CCDC197: variants seen among roughly 807,000 people sequenced by gnomAD.
CCDC197 encodes coiled-coil domain containing 197.
Under a neutral mutation model 13.4 loss-of-function variants are expected in CCDC197, and 24 were observed. The ratio of observed to expected loss-of-function variants is 1.80; its 90% CI spans 1.30 to 2.53. CCDC197 has a LOEUF of 2.53. CCDC197 is among the 30% of genes most tolerant of loss of function. CCDC197 has a pLI of 0.00. For synonymous variants in CCDC197, 99 were observed against 55.5 expected (o/e 1.78, Z -3.48); for missense variants, 255 against 148.8 (o/e 1.71, Z -3.71).
rs144754186 is a variant in CCDC197 at position 93,990,654 on chromosome 14, G to A, written c.-107+3258G>A. 1.3e-3 allele frequency among the ~76,000 whole-genome samples: 202 copies of A among 152,298 alleles called. 8 individuals carry two copies. In the South Asian group the frequency reaches 0.018, roughly 14 times the overall value. ...TTCACCCTCTAGTGGACTGTGAGGG[G>A]GCAGCTCTGACAGATTGGGGTGCAC... On this transcript the variant is annotated intron_variant, in intron 1 of 7. Transcript: ENST00000640978.
chr14:94,005,418 G>A lies in CCDC197; in HGVS notation c.615+447G>A, dbSNP rs149107887. Reference sequence around the variant, plus strand: ...TTACACATATGAGAACGCTGGCAGCGGGCATTTCAGTGACTGAGGGAGCCT... The same window carrying A: ...TTACACATATGAGAACGCTGGCAGCAGGCATTTCAGTGACTGAGGGAGCCT... On this transcript the variant is annotated intron_variant, in intron 6 of 6. Coordinates refer to ENST00000636493, the MANE Select transcript of CCDC197 (RefSeq NM_001351596.2). Among the ~76,000 whole-genome samples, 16 of 152,202 alleles carry A rather than the reference G, an allele frequency of 1.1e-4. No homozygotes were observed. In the East Asian group the frequency reaches 2.5e-3, roughly 24 times the overall value.
upstream of CCDC197, among the ~76,000 whole-genome samples, chr14:93,994,017 C>G (rs1187167167): frequency 6.6e-6 from 1 of 151,776 alleles, no homozygotes; most frequent in Non-Finnish European, 1.5e-5. Context: ...AGGGTGGGGT[C>G]TGCTGGTTGA....
At chr14:93,990,170 A>G (rs1890183570) in intron 1 of CCDC197, among the ~76,000 whole-genome samples, 1 of 152,210 alleles carries the variant, frequency 6.6e-6, no homozygotes, top group Admixed American at 6.5e-5. Context: ...TTGGTAAACA[A>G]CATCTGCAAA....
upstream of CCDC197, among the ~76,000 whole-genome samples, chr14:93,993,392 C>CA (rs1236300781): frequency 6.6e-6 from 1 of 152,238 alleles, no homozygotes; most frequent in African/African-American, 2.4e-5. Context: ...GTTAACTCTA[C>CA]AAAAACGAGA....
intron 5 of CCDC197, among the ~76,000 whole-genome samples, 151 bp from the exon 6 acceptor site, chr14:94,004,704 C>T (rs1002401594): frequency 5.3e-5 from 8 of 152,144 alleles, no homozygotes; most frequent in African/African-American, 9.7e-5. Flanking sequence ...AACCGAGCCC[C>T]GCAGGAGAGG....
rs958254298 is a variant in CCDC197 at position 94,008,648 on chromosome 14, G to T, written c.655G>T (p.Ala219Ser). ...CAAAATGGAGACTGTAAGACTGATC[G>T]CACTGCTCACGGAACCCAAAGTGTG... The part of the protein sequence containing the change: ...LDKMETVRLI[A>S]LLTEPKVCWS... Residue 219 changes from alanine to serine, a missense_variant, in exon 7 of 7, where the codon GCA becomes TCA. Physicochemically the swap from Ala to Ser is moderately conservative, Grantham distance 99 (BLOSUM62 1). Coordinates refer to ENST00000636493, the MANE Select transcript of CCDC197 (RefSeq NM_001351596.2). 1 of 702,992 alleles carries T rather than the reference G, an allele frequency of 1.4e-6. No homozygotes were observed. Among genetic ancestry groups the T allele is most frequent in the Non-Finnish European group, 2.6e-6 (1 of 385,006 alleles). 43.5% of individuals were successfully genotyped at this position (702,992 alleles called of 1,614,324 possible).
chr14:93,992,479 G>A (rs1157756715), upstream of CCDC197, among the ~76,000 whole-genome samples: 2 of 152,188 alleles, frequency 1.3e-5, no homozygotes, highest in Non-Finnish European at 2.9e-5. Context: ...ATTCTTCCTA[G>A]GAAGGTGATG....
rs117526130 is a variant in CCDC197, at chr14:93,990,984, C to T, written c.-107+3588C>T. Among the ~76,000 whole-genome samples, 10 of 152,270 alleles carry T rather than the reference C, an allele frequency of 6.6e-5. No individual in the cohort carries two copies. In the East Asian group the frequency reaches 1.9e-3, roughly 29 times the overall value. ...GTGAGGGTGAGGGACTTGCCCAAGGCCAGGCAGCTCATGACTGATGAGAGC... is the reference window on the plus strand; with the variant it reads ...GTGAGGGTGAGGGACTTGCCCAAGGTCAGGCAGCTCATGACTGATGAGAGC... On this transcript the variant is annotated intron_variant, in intron 1 of 7. Transcript: ENST00000640978.
chr14:93,999,753 G>A (rs1218429602), intron 3 of CCDC197, 88 bp downstream of exon 3: 6 of 743,016 alleles, frequency 8.1e-6, no homozygotes, highest in Non-Finnish European at 1.5e-5. Context: ...GCCTCATGGA[G>A]CCACGAGCTG....
upstream of CCDC197, among the ~76,000 whole-genome samples, chr14:93,995,812 A>G (rs1595348958): frequency 6.6e-6 from 1 of 152,074 alleles, no homozygotes; most frequent in East Asian, 1.9e-4. Context: ...GCACCTCCCT[A>G]CAGCCTCCCA....
intron 1 of CCDC197, among the ~76,000 whole-genome samples, chr14:93,990,255 G>C (rs898752343): frequency 6.6e-6 from 1 of 152,138 alleles, no homozygotes; most frequent in Non-Finnish European, 1.5e-5. Flanking sequence ...GGGACTAAGG[G>C]GAATCCTGGG....
chr14:93,993,175 G>C (rs185854792), upstream of CCDC197, among the ~76,000 whole-genome samples: 55 of 152,288 alleles, frequency 3.6e-4, no homozygotes, highest in South Asian at 2.1e-3. Flanking sequence ...ATCCTCTGGA[G>C]GGGGAGAGAA....
chr14:93,992,330 G>T (rs1323019307), upstream of CCDC197, among the ~76,000 whole-genome samples: 1 of 152,164 alleles, frequency 6.6e-6, no homozygotes, highest in Non-Finnish European at 1.5e-5. Flanking sequence ...AGAGACTTTG[G>T]AGGCAGAGCT....
At chr14:93,989,573 C>A (rs1890170743) in intron 1 of CCDC197, among the ~76,000 whole-genome samples, 1 of 152,182 alleles carries the variant, frequency 6.6e-6, no homozygotes, top group Non-Finnish European at 1.5e-5. Context: ...ATTCTCCTGG[C>A]TTTGGGATAC....
At chr14:94,007,967 T>C (rs936865879) in intron 6 of CCDC197, among the ~76,000 whole-genome samples, 1 of 152,228 alleles carries the variant, frequency 6.6e-6, no homozygotes, top group South Asian at 2.1e-4. Context: ...CACCATTCAG[T>C]TGAAGTCTGT....
chr14:93,999,476 A>G, intron 2 of CCDC197, 107 bp from the exon 3 acceptor site: 1 of 722,048 alleles, frequency 1.4e-6, no homozygotes. Flanking sequence ...TGGCCGGCCC[A>G]GTGCACGTCC....
At chr14:93,989,666 CA>C (rs1306128138) in intron 1 of CCDC197, among the ~76,000 whole-genome samples, 2 of 152,146 alleles carry the variant, frequency 1.3e-5, no homozygotes, top group Non-Finnish European at 2.9e-5. Context: ...CCAGGGCCCC[CA>C]AGATCAAAAC....
At chr14:93,994,874 A>G (rs941274349), upstream of CCDC197, among the ~76,000 whole-genome samples, 1 of 152,122 alleles carries the variant, frequency 6.6e-6, no homozygotes, top group Non-Finnish European at 1.5e-5. Context: ...CTTCCCCAAG[A>G]ACAGCCTCCC....
At chr14:93,995,524 C>T (rs142928041), upstream of CCDC197, among the ~76,000 whole-genome samples, 889 of 152,254 alleles carry the variant, frequency 5.8e-3, 11 homozygotes, top group African/African-American at 0.021. Flanking sequence ...TCAGCTGTCC[C>T]GATTCCTTGG....
Sources: gnomAD v4.1 joint callset for allele counts (sites outside exome capture counted in the v4.1 genomes callset) on GRCh38, gnomAD v4.1.1 for gene constraint, MANE v1.5 for transcripts, NCBI Gene and HGNC (gene_info 2026-07-23, HGNC 2026-07-21) for gene names.